The following AXDND1 variants were observed in gnomAD, a reference collection of about 807,000 sequenced individuals.
The protein encoded by AXDND1 is axonemal dynein light chain domain-containing protein 1.
A neutral mutation model predicts 137.5 loss-of-function variants in AXDND1; 110 were observed. The observed-to-expected ratio is 0.80, with a 90% CI of 0.69 to 0.94. AXDND1 has a LOEUF of 0.94. AXDND1 is among the 40% of genes least tolerant of loss of function. The pLI is 0.00. For synonymous variants in AXDND1, 414 were observed against 399.7 expected (o/e 1.04, Z -0.43); for missense variants, 1,191 against 1,169.8 (o/e 1.02, Z -0.26).
At chr1:179,477,601 G>A (rs1572005361) in intron 17 of AXDND1, among the ~76,000 whole-genome samples, 1 of 150,852 alleles carries the variant, frequency 6.6e-6, no homozygotes, top group East Asian at 2.0e-4. Flanking sequence ...CTGGGTTCCT[G>A]CCACAACATG....
intron 21 of AXDND1, among the ~76,000 whole-genome samples, chr1:179,520,611 A>C (rs1669960733): frequency 6.6e-6 from 1 of 151,964 alleles, no homozygotes; most frequent in Non-Finnish European, 1.5e-5. Context: ...TAGTTCTTAA[A>C]AATAAGATTT....
intron 4 of AXDND1, among the ~76,000 whole-genome samples, chr1:179,375,027 CA>C (rs1258812329): frequency 1.3e-5 from 2 of 151,076 alleles, no homozygotes; most frequent in Non-Finnish European, 3.0e-5. Context: ...TAAAAAAATA[CA>C]AAAGGCTGCT....
intron 16 of AXDND1, among the ~76,000 whole-genome samples, chr1:179,460,655 C>T (rs1313358779): frequency 2.0e-5 from 3 of 152,210 alleles, no homozygotes; most frequent in Non-Finnish European, 4.4e-5. Context: ...AACTAGTTTA[C>T]AGTCCCAACA....
intron 3 of AXDND1, 49 bp from the exon 4 acceptor site, chr1:179,369,926 G>C (rs1558079308): frequency 7.2e-7 from 1 of 1,393,964 alleles, no homozygotes; most frequent in Non-Finnish European, 1.0e-6. Flanking sequence ...CATTTTATTT[G>C]ATTAGATCGC....
At chr1:179,540,834 T>A (rs958118257) in intron 25 of AXDND1, among the ~76,000 whole-genome samples, 2 of 152,214 alleles carry the variant, frequency 1.3e-5, no homozygotes, top group African/African-American at 2.4e-5. Flanking sequence ...GAGGCTTTTT[T>A]CTATAAGTCC....
At chr1:179,554,416 A>T in intron 25 of AXDND1, 96 bp from the exon 26 acceptor site, 1 of 1,606,380 alleles carries the variant, frequency 6.2e-7, no homozygotes, top group Non-Finnish European at 8.5e-7. Flanking sequence ...GAAAAATTTA[A>T]AATGAAACCA....
At chr1:179,394,086 T>A (rs1650631522) in intron 10 of AXDND1, 43 bp downstream of exon 10, 1 of 1,551,632 alleles carries the variant, frequency 6.4e-7, no homozygotes, top group Non-Finnish European at 8.7e-7. Flanking sequence ...AAAGTCAATG[T>A]CATGTCTCTA....
At chr1:179,482,642 A>G (rs1174480187) in intron 17 of AXDND1, among the ~76,000 whole-genome samples, 1 of 152,058 alleles carries the variant, frequency 6.6e-6, no homozygotes, top group East Asian at 1.9e-4. Flanking sequence ...GATTTTCTCG[A>G]ATAGATGTTT....
chr1:179,531,834 A>C (rs1212209527), intron 23 of AXDND1, among the ~76,000 whole-genome samples: 2 of 152,156 alleles, frequency 1.3e-5, no homozygotes. Flanking sequence ...TCAGACGGAG[A>C]CTAACTGGAA....
intron 25 of AXDND1, among the ~76,000 whole-genome samples, chr1:179,538,384 A>G (rs143363331): frequency 2.0e-5 from 3 of 152,140 alleles, no homozygotes; most frequent in South Asian, 4.1e-4. Flanking sequence ...AGATTCTGGT[A>G]TGTTGTGTCT....
intron 12 of AXDND1, among the ~76,000 whole-genome samples, chr1:179,416,612 A>G (rs1223978066): frequency 1.3e-5 from 2 of 152,210 alleles, no homozygotes; most frequent in African/African-American, 2.4e-5. Context: ...AGCCCCAGTC[A>G]AGTGAATGCC....
chr1:179,506,907 C>T (rs566336023), intron 20 of AXDND1: 62 of 985,326 alleles, frequency 6.3e-5, no homozygotes, highest in Admixed American at 4.9e-4. Flanking sequence ...AGGAATCTTA[C>T]TCTCAAGATG....
intron 11 of AXDND1, among the ~76,000 whole-genome samples, chr1:179,401,691 T>C (rs759413430): frequency 2.0e-5 from 3 of 152,270 alleles, no homozygotes; most frequent in Non-Finnish European, 4.4e-5. Context: ...GGTTTCCCTG[T>C]ACTGTTCTCG....
chr1:179,368,774 G>A (rs1667727166), intron 2 of AXDND1, 26 bp from the exon 3 acceptor site: 7 of 1,571,640 alleles, frequency 4.5e-6, no homozygotes, highest in Admixed American at 1.9e-5. Context: ...TATAGTAAGA[G>A]TTTTTCTTTT....
chr1:179,445,071 T>C lies in AXDND1; in HGVS notation c.1665T>C (p.Ile555=). The C allele has an allele frequency of 6.2e-7, 1 of 1,613,574 alleles. No homozygotes were observed. Among genetic ancestry groups the C allele is most frequent in the Non-Finnish European group, 8.5e-7 (1 of 1,179,576 alleles). ...IKHLQENWAD[I]GLGIFNRHKS... Reference sequence around the variant, plus strand: ...ATTTACAGGAAAACTGGGCAGATATTGGGCTTGGGATATTTAATCGGCATA... The same window carrying C: ...ATTTACAGGAAAACTGGGCAGATATCGGGCTTGGGATATTTAATCGGCATA... The change falls in exon 16 of 26, where the codon ATT becomes ATC. Residue 555 remains isoleucine, a synonymous_variant. Transcript: ENST00000367618.
At chr1:179,463,718 G>T (rs1206923654) in intron 16 of AXDND1, among the ~76,000 whole-genome samples, 1 of 152,116 alleles carries the variant, frequency 6.6e-6, no homozygotes, top group Non-Finnish European at 1.5e-5. Flanking sequence ...TGACAGTGGG[G>T]TGTTAAAGTC....
chr1:179,423,529 T>G (rs1018490329), intron 12 of AXDND1, among the ~76,000 whole-genome samples: 19 of 152,048 alleles, frequency 1.2e-4, no homozygotes, highest in East Asian at 9.6e-4. Flanking sequence ...CTGTTTTCCT[T>G]TGTGATTAAG....
intron 25 of AXDND1, among the ~76,000 whole-genome samples, chr1:179,539,162 T>A (rs904201523): frequency 2.6e-5 from 4 of 152,236 alleles, no homozygotes; most frequent in African/African-American, 9.6e-5. Flanking sequence ...GTCTGTATCT[T>A]TTAATTGGGG....
chr1:179,522,109 C>A (rs1414179465), intron 21 of AXDND1, among the ~76,000 whole-genome samples: 2 of 151,976 alleles, frequency 1.3e-5, no homozygotes, highest in Non-Finnish European at 2.9e-5. Flanking sequence ...CTCTTCTTTC[C>A]TTCTAGAACT....
Sources: gnomAD v4.1 joint callset for allele counts (sites outside exome capture counted in the v4.1 genomes callset) on GRCh38, gnomAD v4.1.1 for gene constraint, MANE v1.5 for transcripts, NCBI Gene and HGNC (gene_info 2026-07-23, HGNC 2026-07-21) for gene names.